Variants in ZFYVE9 observed in about 807,000 individuals in gnomAD.
ZFYVE9 encodes zinc finger FYVE-type containing 9, also known as zinc finger FYVE domain-containing protein 9.
A neutral mutation model predicts 126.7 loss-of-function variants in ZFYVE9; 43 were observed. The observed-to-expected ratio is 0.34, with a 90% CI of 0.27 to 0.44. The LOEUF is 0.44. Among genes scored for constraint, ZFYVE9 ranks in the 20% least tolerant of loss-of-function variants. ZFYVE9 has a pLI of 1.00. For synonymous variants in ZFYVE9, 521 were observed against 597.4 expected, an observed-to-expected ratio of 0.87 and a Z score of 1.87; for missense variants, 1,476 against 1,697.0, an observed-to-expected ratio of 0.87 and a Z score of 2.29.
At chr1:52,308,780 A>G (rs1412373080) in intron 13 of ZFYVE9, among the ~76,000 whole-genome samples, 1 of 152,230 alleles carries the variant, frequency 6.6e-6, no homozygotes, top group African/African-American at 2.4e-5. Context: ...TACTATTTGT[A>G]ATAATCAGTA....
At chr1:52,222,157 T>C (rs1557464909) in intron 2 of ZFYVE9, among the ~76,000 whole-genome samples, 1 of 152,224 alleles carries the variant, frequency 6.6e-6, no homozygotes, top group Admixed American at 6.5e-5. Context: ...AAATTGCTGT[T>C]ACTTGATCCT....
At chr1:52,231,829 G>A (rs979321932) in intron 2 of ZFYVE9, among the ~76,000 whole-genome samples, 2 of 152,066 alleles carry the variant, frequency 1.3e-5, no homozygotes, top group African/African-American at 2.4e-5. Flanking sequence ...GTTTCACCAC[G>A]TTGGCCAGGC....
intron 9 of ZFYVE9, among the ~76,000 whole-genome samples, chr1:52,280,942 G>A (rs1034625476): frequency 1.3e-5 from 2 of 151,898 alleles, no homozygotes; most frequent in African/African-American, 4.8e-5. Flanking sequence ...TACTTCCTTC[G>A]ATGATGTGAT....
intron 1 of ZFYVE9, among the ~76,000 whole-genome samples, chr1:52,210,446 T>A (rs1335193524): frequency 1.3e-5 from 2 of 152,184 alleles, no homozygotes; most frequent in African/African-American, 4.8e-5. Flanking sequence ...ATTGAGTGGC[T>A]ACCATCAGTG....
At position 52,346,438 on chromosome 1, in the gene ZFYVE9, A is replaced by T. The variant is rs1003273100; in HGVS notation, c.*217A>T. On this transcript the variant is annotated 3_prime_UTR_variant, in exon 19 of 19. Coordinates refer to ENST00000287727, the MANE Select transcript of ZFYVE9 (RefSeq NM_004799.4). ...GTCTTCTATGCATTGTCCACCAAGA[A>T]GATCTGGGCAGCTTCTGTTCCTGCA... 1.5e-5 allele frequency: 7 copies of T among 480,072 alleles called. No individual in the cohort carries two copies. Among genetic ancestry groups the T allele is most frequent in the Middle Eastern group, 5.3e-4 (1 of 1,874 alleles). 29.7% of individuals were successfully genotyped at this position (480,072 alleles called of 1,614,324 possible).
At chr1:52,221,304 G>T (rs1182454542) in intron 2 of ZFYVE9, among the ~76,000 whole-genome samples, 3 of 152,192 alleles carry the variant, frequency 2.0e-5, no homozygotes, top group African/African-American at 7.2e-5. Flanking sequence ...GCCCTGTTTG[G>T]AAAGGGGTTT....
intron 1 of ZFYVE9, among the ~76,000 whole-genome samples, chr1:52,167,425 A>C (rs1320013280): frequency 1.3e-5 from 2 of 152,184 alleles, no homozygotes; most frequent in Admixed American, 6.5e-5. Context: ...TGGATGGATA[A>C]ATGAAATTGC....
chr1:52,343,403 G>A (rs1646457274), intron 17 of ZFYVE9, among the ~76,000 whole-genome samples: 1 of 151,708 alleles, frequency 6.6e-6, no homozygotes, highest in Non-Finnish European at 1.5e-5. Context: ...CCGAGATCGT[G>A]CCATTGCACT....
chr1:52,247,717 A>G (rs1294934782), intron 4 of ZFYVE9, among the ~76,000 whole-genome samples: 1 of 151,968 alleles, frequency 6.6e-6, no homozygotes, highest in Non-Finnish European at 1.5e-5. Context: ...GGCTGGTCTC[A>G]AACTCCTGAC....
rs764903872 is a variant in ZFYVE9, at chr1:52,239,197, C to T, written c.1780C>T (p.Pro594Ser). Reference sequence around the variant, plus strand: ...TAATCTTAAACTTCAAATTCCAAAGCCATTATCAGACCATTTACAAAATGA... The same window carrying T: ...TAATCTTAAACTTCAAATTCCAAAGTCATTATCAGACCATTTACAAAATGA... ...PSNLKLQIPK[P>S]LSDHLQNDFP... Residue 594 changes from proline to serine, a missense_variant, in exon 4 of 19, where the codon CCA becomes TCA. Transcript: ENST00000287727. 1.9e-6 allele frequency: 3 copies of T among 1,614,030 alleles called. No homozygotes were observed. Among genetic ancestry groups the T allele is most frequent in the Non-Finnish European group, 1.7e-6 (2 of 1,180,000 alleles).
At chr1:52,177,838 A>T (rs1557439853) in intron 1 of ZFYVE9, among the ~76,000 whole-genome samples, 1 of 152,108 alleles carries the variant, frequency 6.6e-6, no homozygotes, top group Non-Finnish European at 1.5e-5. Flanking sequence ...ATAGTGTGTT[A>T]TGCTAGTTTT....
At chr1:52,306,548 A>G (rs1198545182) in intron 13 of ZFYVE9, among the ~76,000 whole-genome samples, 1 of 152,232 alleles carries the variant, frequency 6.6e-6, no homozygotes, top group Non-Finnish European at 1.5e-5. Context: ...GCCAAATGGC[A>G]GGGCTGAAAG....
intron 1 of ZFYVE9, among the ~76,000 whole-genome samples, chr1:52,186,882 T>C (rs1480808463): frequency 6.6e-6 from 1 of 152,180 alleles, no homozygotes; most frequent in East Asian, 1.9e-4. Flanking sequence ...ATCATTAAAA[T>C]GGCCATACTG....
chr1:52,329,161 T>A (rs1266229060), intron 13 of ZFYVE9, among the ~76,000 whole-genome samples: 1 of 152,192 alleles, frequency 6.6e-6, no homozygotes, highest in Non-Finnish European at 1.5e-5. Context: ...GCAAGCCGTA[T>A]CAAAATTTCA....
rs763588110 is a variant in ZFYVE9 at position 52,239,344 on chromosome 1, G to A, written c.1927G>A (p.Asp643Asn). 21 of 1,614,034 alleles carry A rather than the reference G, an allele frequency of 1.3e-5. No individual in the cohort carries two copies. Among genetic ancestry groups the A allele is most frequent in the South Asian group, 9.9e-5 (9 of 91,090 alleles). ...ATCTTTGGGAAACATCTCTAATGTC[G>A]ATACAAATGGGGAACATTTAGAAAG... Reference protein sequence around the residue: ...SPSLGNISNVDTNGEHLESYE... With the variant: ...SPSLGNISNVNTNGEHLESYE... Residue 643 changes from aspartate (D) to asparagine (N), a missense_variant, in exon 4 of 19, where the codon GAT (aspartate) becomes AAT (asparagine). This residue lies in a region of ZFYVE9 where 807 missense variants were observed against 794.6 expected (regional missense o/e 1.02). Coordinates refer to ENST00000287727, the MANE Select transcript of ZFYVE9 (RefSeq NM_004799.4).
At chr1:52,202,917 C>A (rs1270532019) in intron 1 of ZFYVE9, among the ~76,000 whole-genome samples, 1 of 151,928 alleles carries the variant, frequency 6.6e-6, no homozygotes, top group East Asian at 1.9e-4. Context: ...AACTCCTGAC[C>A]TTAGGTGATC....
intron 17 of ZFYVE9, among the ~76,000 whole-genome samples, chr1:52,340,904 CAAAAA>C (rs10608842): frequency 2.0e-5 from 2 of 100,680 alleles, no homozygotes; most frequent in African/African-American, 3.6e-5. Context: ...GACTCCGTCT[CAAAAA>C]AAAAAAAAAA....
At chr1:52,180,514 C>G (rs902617397) in intron 1 of ZFYVE9, 109 of 765,212 alleles carry the variant, frequency 1.4e-4, no homozygotes, top group Middle Eastern at 7.2e-4. Flanking sequence ...GTGCAATGCT[C>G]TGTCCCCATG....
intron 15 of ZFYVE9, 91 bp downstream of exon 15, chr1:52,334,859 C>T: frequency 7.7e-7 from 1 of 1,305,506 alleles, no homozygotes; most frequent in Non-Finnish European, 1.1e-6. Flanking sequence ...ATGTCTGACT[C>T]CTACTGTTTT....
Sources: gnomAD v4.1 joint callset for allele counts (sites outside exome capture counted in the v4.1 genomes callset) on GRCh38, gnomAD v4.1.1 for gene constraint, gnomAD v4.1.1 regional missense constraint, MANE v1.5 for transcripts, NCBI Gene and HGNC (gene_info 2026-07-23, HGNC 2026-07-21) for gene names.